LRP1B: variants seen among roughly 807,000 people sequenced by gnomAD.
LRP1B encodes the protein low-density lipoprotein receptor-related protein 1B.
A neutral mutation model predicts 556.6 loss-of-function variants in LRP1B; 217 were observed. That is an observed-to-expected ratio of 0.39 (90% confidence interval 0.35 to 0.44). LRP1B has a LOEUF of 0.44. LRP1B is among the 20% of genes least tolerant of loss of function. The probability of loss-of-function intolerance (pLI) is 1.00; values close to 1 mark genes in which losing one functional copy is unlikely to be tolerated. For missense variants in LRP1B, 5,053 were observed against 5,620.8 expected (o/e 0.90, Z 3.23); for synonymous variants, 2,047 against 1,865.8 (o/e 1.10, Z -2.50).
rs114612490 is a variant in LRP1B, at chr2:141,797,733, G to A, written c.205+12546C>T. Among the ~76,000 whole-genome samples the A allele has an allele frequency of 7.6e-3, 1,159 of 152,058 alleles. 10 individuals carry two copies. The highest frequency in any genetic ancestry group is 0.026 in the African/African-American group (1,098 of 41,484). ...TTTGTTGTAATTTAATGTTGGTTAC[G>A]AAGCTATTAAGCAGCATCAAACCAA... On this transcript the variant is annotated intron_variant, in intron 2 of 90. Coordinates refer to ENST00000389484, the MANE Select transcript of LRP1B (RefSeq NM_018557.3).
At chr2:141,840,600 G>A (rs1195921669) in intron 1 of LRP1B, among the ~76,000 whole-genome samples, 4 of 151,964 alleles carry the variant, frequency 2.6e-5, no homozygotes, top group African/African-American at 7.3e-5. Context: ...TTGAGCATCC[G>A]CTTCCAGCCC....
At chr2:141,196,549 G>A (rs1225880050) in intron 6 of LRP1B, among the ~76,000 whole-genome samples, 1 of 151,970 alleles carries the variant, frequency 6.6e-6, no homozygotes, top group Admixed American at 6.6e-5. Flanking sequence ...AAGTAGTTTA[G>A]TATTACTACA....
At chr2:142,107,509 T>A (rs1231821141) in intron 1 of LRP1B, among the ~76,000 whole-genome samples, 1 of 152,126 alleles carries the variant, frequency 6.6e-6, no homozygotes, top group African/African-American at 2.4e-5. Context: ...CCTCCAGAAA[T>A]TATCTGTTTT....
intron 1 of LRP1B, among the ~76,000 whole-genome samples, chr2:142,057,169 C>T (rs928230459): frequency 3.9e-5 from 6 of 152,176 alleles, no homozygotes; most frequent in African/African-American, 1.2e-4. Flanking sequence ...ACCTCAACCA[C>T]TATTTATTGC....
chr2:141,597,515 T>C (rs972882311), intron 2 of LRP1B, among the ~76,000 whole-genome samples: 9 of 152,106 alleles, frequency 5.9e-5, no homozygotes, highest in African/African-American at 2.2e-4. Flanking sequence ...TCCATCAGTA[T>C]AGAATGTTTA....
chr2:141,397,190 T>C lies in LRP1B; in HGVS notation c.343+83206A>G, dbSNP rs57661376. On this transcript the variant is annotated intron_variant, in intron 3 of 90. Coordinates refer to ENST00000389484, the MANE Select transcript of LRP1B (RefSeq NM_018557.3). ...AAAGAGAAGTTTAGAGATGGTACTT[T>C]GTGTTTCGTCTTAGCATGACATAGA... 9.7e-3 allele frequency among the ~76,000 whole-genome samples: 1,440 copies of C among 148,976 alleles called. 26 individuals carry two copies. Among genetic ancestry groups the C allele is most frequent in the African/African-American group, 0.033 (1,329 of 40,426 alleles).
intron 84 of LRP1B, among the ~76,000 whole-genome samples, chr2:140,293,020 C>T (rs1486717915): frequency 6.6e-6 from 1 of 152,254 alleles, no homozygotes. Context: ...AATGTCTGTA[C>T]TTACTGGAAC....
intron 49 of LRP1B, among the ~76,000 whole-genome samples, chr2:140,524,098 T>C (rs1690314030): frequency 6.7e-6 from 1 of 149,560 alleles, no homozygotes; most frequent in Non-Finnish European, 1.5e-5. Context: ...ATCCAGAATC[T>C]ATAAGGAATT....
chr2:140,358,467 T>C (rs1417818342), intron 73 of LRP1B, among the ~76,000 whole-genome samples: 2 of 151,720 alleles, frequency 1.3e-5, no homozygotes, highest in African/African-American at 4.8e-5. Context: ...TTAAAAACTT[T>C]TTGAACTTCG....
At position 141,215,812 on chromosome 2, in the gene LRP1B, C is replaced by G. The variant is rs1365385756; in HGVS notation, c.850+13371G>C. Among the ~76,000 whole-genome samples the G allele has an allele frequency of 5.3e-5, 8 of 152,150 alleles. No individual in the cohort carries two copies. The South Asian group carries it at 1.7e-3, about 31-fold the overall frequency. On this transcript the variant is annotated intron_variant, in intron 6 of 90. Transcript: ENST00000389484. ...CTGGCTGCTTCTGACAACCAATACTCAGAAGTGGGAGCAAAGAAATGAGTT... is the reference window on the plus strand; with the variant it reads ...CTGGCTGCTTCTGACAACCAATACTGAGAAGTGGGAGCAAAGAAATGAGTT...
intron 6 of LRP1B, among the ~76,000 whole-genome samples, chr2:141,227,003 G>A (rs1396459742): frequency 1.1e-4 from 16 of 151,942 alleles, no homozygotes; most frequent in Admixed American, 1.0e-3. Flanking sequence ...TATTCAAAAT[G>A]AATATTCTAT....
At chr2:140,802,017 A>T (rs975391275) in intron 32 of LRP1B, among the ~76,000 whole-genome samples, 1 of 152,214 alleles carries the variant, frequency 6.6e-6, no homozygotes, top group African/African-American at 2.4e-5. Flanking sequence ...GGATCAAGGA[A>T]AAAAACTGGC....
At chr2:140,678,320 TC>T (rs149753776) in intron 41 of LRP1B, among the ~76,000 whole-genome samples, 1,782 of 152,304 alleles carry the variant, frequency 0.012, 32 homozygotes, top group African/African-American at 0.041. Flanking sequence ...TCATAAAATA[TC>T]TTTCCTTTGG....
intron 84 of LRP1B, among the ~76,000 whole-genome samples, chr2:140,279,032 A>G (rs796979797): frequency 1.2e-4 from 19 of 152,022 alleles, no homozygotes; most frequent in African/African-American, 4.1e-4. Flanking sequence ...TCTAGGGCCT[A>G]TTCTTCGACG....
chr2:140,804,648 A>ATTTTTTTTTTTTTTTTTTTTTT (rs1690646115), intron 32 of LRP1B, among the ~76,000 whole-genome samples: 1 of 103,892 alleles, frequency 9.6e-6, no homozygotes, highest in African/African-American at 3.6e-5. Flanking sequence ...GGTAAAAACT[A>ATTTTTTTTTTTTTTTTTTTTTT]ATTTTTTTTT....
intron 3 of LRP1B, among the ~76,000 whole-genome samples, chr2:141,462,933 G>T (rs923591402): frequency 6.7e-6 from 1 of 149,578 alleles, no homozygotes; most frequent in African/African-American, 2.5e-5. Flanking sequence ...TATGATATCA[G>T]TATATTTTGT....
intron 66 of LRP1B, among the ~76,000 whole-genome samples, chr2:140,434,818 C>T (rs2105289319): frequency 6.6e-6 from 1 of 152,226 alleles, no homozygotes; most frequent in East Asian, 1.9e-4. Flanking sequence ...ATATTATGTC[C>T]AAGTGTTAAT....
chr2:141,059,063 A>T lies in LRP1B; in HGVS notation c.1237-9T>A, dbSNP rs1316782839. 1 of 1,447,850 alleles carries T rather than the reference A, an allele frequency of 6.9e-7. No homozygotes were observed. The highest frequency in any genetic ancestry group is 9.2e-7 in the Non-Finnish European group (1 of 1,083,576). The allele number at this position is 1,447,850 out of a possible 1,614,324, so 89.7% of individuals were successfully genotyped here. ...CCATAAAGATGTCTAACCTATAAAGAGGGCAAAACATAACTATGATTTTTA... is the reference window on the plus strand; with the variant it reads ...CCATAAAGATGTCTAACCTATAAAGTGGGCAAAACATAACTATGATTTTTA... On this transcript the variant is annotated splice_polypyrimidine_tract_variant and intron_variant, in intron 8 of 90. Transcript: ENST00000389484.
At chr2:140,247,011 A>G in intron 87 of LRP1B, 75 bp downstream of exon 87, 1 of 1,050,304 alleles carries the variant, frequency 9.5e-7, no homozygotes, top group Non-Finnish European at 1.5e-6. Flanking sequence ...TCTAAGACTC[A>G]TCTCACTCAA....
Sources: allele counts gnomAD v4.1 joint callset (sites outside exome capture counted in the v4.1 genomes callset), GRCh38; gene constraint gnomAD v4.1.1; transcripts MANE v1.5; gene names NCBI Gene and HGNC (gene_info 2026-07-23, HGNC 2026-07-21).